CYRIB: variants seen among roughly 807,000 people sequenced by gnomAD.
The protein encoded by CYRIB is CYFIP-related Rac1 interactor B.
Under a neutral mutation model 44.2 loss-of-function variants are expected in CYRIB, and 8 were observed. The ratio of observed to expected loss-of-function variants is 0.18; its 90% CI spans 0.11 to 0.33. The LOEUF is 0.33. CYRIB is among the 10% of genes least tolerant of loss of function. The pLI, the probability that CYRIB is intolerant of heterozygous loss-of-function variation, is 1.00. For missense variants in CYRIB, 185 were observed against 382.8 expected (o/e 0.48, Z 4.31); for synonymous variants, 131 against 127.2 (o/e 1.03, Z -0.20).
At chr8:129,855,815 GAAC>G in intron 5 of CYRIB, 68 bp from the exon 8 acceptor site, 1 of 1,396,274 alleles carries the variant, frequency 7.2e-7, no homozygotes, top group South Asian at 1.4e-5. Context: ...ATTAAAAAGT[GAAC>G]AATTCATAAA....
At chr8:129,901,649 A>C (rs1296183316) in intron 2 of CYRIB, 1 of 152,246 alleles carries the variant, frequency 6.6e-6, no homozygotes, top group Non-Finnish European at 1.5e-5. Context: ...GGATCTGTGA[A>C]TATGGATGGG....
chr8:129,922,925 G>A (rs2084616702), intron 1 of CYRIB, among the ~76,000 whole-genome samples: 1 of 143,526 alleles, frequency 7.0e-6, no homozygotes, highest in Admixed American at 7.0e-5. Flanking sequence ...CTCCTACTAA[G>A]AATAGTAATG....
intron 1 of CYRIB, among the ~76,000 whole-genome samples, chr8:130,002,792 T>G (rs942398541): frequency 2.0e-5 from 3 of 152,166 alleles, no homozygotes; most frequent in African/African-American, 4.8e-5. Context: ...TCCAATTTAT[T>G]TTGTTACTGT....
chr8:129,901,113 C>T (rs1019172055), intron 2 of CYRIB, among the ~76,000 whole-genome samples: 9 of 152,224 alleles, frequency 5.9e-5, no homozygotes, highest in Admixed American at 1.3e-4. Flanking sequence ...GCCACCACAC[C>T]TGGCTAATTT....
intron 2 of CYRIB, among the ~76,000 whole-genome samples, chr8:129,948,182 T>G (rs1258462589): frequency 6.6e-6 from 1 of 152,194 alleles, no homozygotes; most frequent in Non-Finnish European, 1.5e-5. Flanking sequence ...GAAGTTCAAA[T>G]TGGGAATGTG....
intron 1 of CYRIB, among the ~76,000 whole-genome samples, chr8:129,984,828 G>A (rs2096390005): frequency 6.6e-6 from 1 of 152,138 alleles, no homozygotes; most frequent in South Asian, 2.1e-4. Flanking sequence ...AGGCTGGAGT[G>A]CAATGGCGCG....
intron 1 of CYRIB, among the ~76,000 whole-genome samples, chr8:129,937,120 T>C (rs181588035): frequency 5.3e-5 from 8 of 152,364 alleles, no homozygotes; most frequent in Admixed American, 2.0e-4. Context: ...TCTAAGATTC[T>C]TTGACCTTGC....
intron 2 of CYRIB, among the ~76,000 whole-genome samples, chr8:129,954,974 C>G (rs1442087705): frequency 6.6e-6 from 1 of 152,156 alleles, no homozygotes; most frequent in African/African-American, 2.4e-5. Flanking sequence ...TGTGCTGTGG[C>G]CGGACGCGGT....
chr8:129,996,022 GT>G (rs905437996), intron 1 of CYRIB, among the ~76,000 whole-genome samples: 3 of 152,196 alleles, frequency 2.0e-5, no homozygotes, highest in Admixed American at 6.5e-5. Context: ...AATGAACCCT[GT>G]TTTAGGTGCC....
At chr8:129,890,421 A>G (rs913566414) in intron 2 of CYRIB, 9 of 152,280 alleles carry the variant, frequency 5.9e-5, no homozygotes, top group African/African-American at 2.2e-4. Context: ...ATGAAGGCTC[A>G]GATAAGTGTC....
intron 1 of CYRIB, among the ~76,000 whole-genome samples, chr8:129,923,291 T>G (rs2085029917): frequency 6.6e-6 from 1 of 151,690 alleles, no homozygotes; most frequent in Admixed American, 6.6e-5. Flanking sequence ...TATGTATGTT[T>G]GAGATAGAGT....
chr8:129,879,379 A>G lies in CYRIB; in HGVS notation c.73+10T>C, dbSNP rs1323603976. On this transcript the variant is annotated intron_variant, in intron 3 of 11. Coordinates refer to ENST00000519824, the Ensembl canonical transcript of CYRIB. ...GGCAAAGAGAAATAGATATAAAATC[A>G]TCTTCTCACTTTCAAAATCAAGGAA... The G allele has an allele frequency of 1.9e-6, 3 of 1,587,860 alleles. No homozygotes were observed. Among genetic ancestry groups the G allele is most frequent in the Non-Finnish European group, 2.6e-6 (3 of 1,158,206 alleles).
At chr8:129,979,921 C>T (rs2096138009) in intron 1 of CYRIB, among the ~76,000 whole-genome samples, 1 of 152,002 alleles carries the variant, frequency 6.6e-6, no homozygotes, top group East Asian at 1.9e-4. Context: ...GACTCCACCT[C>T]AAAAAATAAA....
chr8:129,986,187 T>C (rs1233033252), intron 1 of CYRIB, among the ~76,000 whole-genome samples: 1 of 152,102 alleles, frequency 6.6e-6, no homozygotes, highest in African/African-American at 2.4e-5. Context: ...TTCTGGGGGA[T>C]TCAGAAGAGG....
chr8:129,902,858 C>T (rs559309203), intron 2 of CYRIB: 12 of 152,094 alleles, frequency 7.9e-5, no homozygotes, highest in Admixed American at 2.0e-4. Context: ...GGTAACGATT[C>T]TTTGTTTCTA....
intron 2 of CYRIB, among the ~76,000 whole-genome samples, chr8:129,954,942 T>C (rs1186907858): frequency 6.6e-6 from 1 of 152,132 alleles, no homozygotes; most frequent in African/African-American, 2.4e-5. Context: ...TCTTCCACCA[T>C]TGCAAAATGT....
intron 2 of CYRIB, among the ~76,000 whole-genome samples, chr8:129,887,834 GTATT>G (rs894416939): frequency 3.1e-4 from 47 of 152,318 alleles, no homozygotes; most frequent in Middle Eastern, 3.4e-3. Flanking sequence ...TGGAAGGGGA[GTATT>G]TAAACAATGC....
At chr8:129,989,113 T>G (rs1465402810) in intron 1 of CYRIB, among the ~76,000 whole-genome samples, 1 of 152,196 alleles carries the variant, frequency 6.6e-6, no homozygotes, top group Non-Finnish European at 1.5e-5. Context: ...TTCACTTTTC[T>G]TTATTACAAC....
intron 9 of CYRIB, 148 bp from the exon 12 acceptor site, chr8:129,849,517 G>T: frequency 1.5e-6 from 1 of 653,104 alleles, no homozygotes; most frequent in Non-Finnish European, 2.4e-6. Context: ...TAGCCACACT[G>T]ATACATTCAA....
Sources: gnomAD v4.1 joint callset for allele counts (sites outside exome capture counted in the v4.1 genomes callset) on GRCh38, gnomAD v4.1.1 for gene constraint, MANE v1.5 for transcripts, NCBI Gene and HGNC (gene_info 2026-07-23, HGNC 2026-07-21) for gene names.